Variants in CFAP69 observed in about 807,000 individuals in gnomAD.
CFAP69 encodes the protein cilia- and flagella-associated protein 69.
A neutral mutation model predicts 123.0 loss-of-function variants in CFAP69; 92 were observed. The ratio of observed to expected loss-of-function variants is 0.75; its 90% CI spans 0.63 to 0.89. The LOEUF (loss-of-function observed/expected upper bound fraction) is 0.89. Ranked by LOEUF, CFAP69 falls within the 40% of genes least tolerant of loss-of-function variation. The pLI, the probability that CFAP69 is intolerant of heterozygous loss-of-function variation, is 0.00. For missense variants in CFAP69, 1,067 were observed against 1,096.9 expected (o/e 0.97, Z 0.39); for synonymous variants, 380 against 364.3 (o/e 1.04, Z -0.49).
At chr7:90,309,143 G>C in intron 21 of CFAP69, 120 bp from the exon 22 acceptor site, 1 of 487,402 alleles carries the variant, frequency 2.1e-6, no homozygotes, top group South Asian at 4.7e-5. Flanking sequence ...AGATTTCAGC[G>C]CTATCTAATA....
intron 19 of CFAP69, among the ~76,000 whole-genome samples, chr7:90,306,639 A>T (rs891837191): frequency 6.6e-6 from 1 of 152,212 alleles, no homozygotes; most frequent in African/African-American, 2.4e-5. Flanking sequence ...GGCAGTGATG[A>T]TGGTGATGAT....
In CFAP69 at chr7:90,268,572, T is replaced by C. The variant is rs187825807; in HGVS notation, c.532+188T>C. Reference sequence around the variant, plus strand: ...TATATGTATTTTTCAGTTTTTGATTTGCATATTTTTATTCTGATGCTAAAT... The same window carrying C: ...TATATGTATTTTTCAGTTTTTGATTCGCATATTTTTATTCTGATGCTAAAT... On this transcript the variant is annotated intron_variant, in intron 6 of 22. Transcript: ENST00000389297. Among the ~76,000 whole-genome samples, 147 of 152,292 alleles carry C rather than the reference T, an allele frequency of 9.7e-4. 1 individual carries two copies. Among genetic ancestry groups the C allele is most frequent in the Admixed American group, 3.3e-3 (51 of 15,288 alleles).
chr7:90,245,393 TC>T lies in CFAP69; in HGVS notation c.-26del. 8 of 1,510,210 alleles carry T rather than the reference TC, an allele frequency of 5.3e-6. No homozygotes were observed. The highest frequency in any genetic ancestry group is 2.2e-5 in the Admixed American group (1 of 44,864). 93.6% of individuals were successfully genotyped at this position (1,510,210 alleles called of 1,614,324 possible). A position where few individuals can be genotyped will look rare whatever the true frequency, so the allele number is the denominator to read the frequency against. ...GCGGGCGCACTGTAGGACAGGAAGA[TC>T]CCCCCACTCTCCACCCCGCCGCCAC... On this transcript the variant is annotated 5_prime_UTR_variant, in exon 1 of 23. Coordinates refer to ENST00000389297, the MANE Select transcript of CFAP69 (RefSeq NM_001039706.3).
rs766221444 is a variant in CFAP69, at chr7:90,274,129, G to A, written c.984+19G>A. The A allele has an allele frequency of 6.3e-6, 10 of 1,586,610 alleles. No homozygotes were observed. The Admixed American group carries it at 1.7e-4, about 27-fold the overall frequency. On this transcript the variant is annotated intron_variant, in intron 9 of 22. Transcript: ENST00000389297. ...AATGATTGTAAGTATGAATCAAATT[G>A]CATTAATTTTAATTGTGGAAGTGGT...
chr7:90,275,347 A>T (rs1788424406), intron 9 of CFAP69, among the ~76,000 whole-genome samples: 1 of 152,168 alleles, frequency 6.6e-6, no homozygotes, highest in Middle Eastern at 3.4e-3. Flanking sequence ...CTTGCCTGGG[A>T]TGCTTGAGTA....
At chr7:90,323,252 A>G in the CFAP69 span, among the ~76,000 whole-genome samples, 1 of 152,202 alleles carries the variant, frequency 6.6e-6, no homozygotes, top group South Asian at 2.1e-4. Flanking sequence ...TTCAAATAGA[A>G]TCTGGCAAAA....
chr7:90,281,901 A>G (rs1256245108), intron 12 of CFAP69, among the ~76,000 whole-genome samples: 1 of 152,216 alleles, frequency 6.6e-6, no homozygotes, highest in Non-Finnish European at 1.5e-5. Context: ...ATATATCAAT[A>G]AGAAAACAAC....
At chr7:90,307,925 A>AAATGAATG in intron 21 of CFAP69, 71 bp downstream of exon 21, 1 of 962,508 alleles carries the variant, frequency 1.0e-6, no homozygotes, top group Non-Finnish European at 1.6e-6. Context: ...TTTCAGGAAC[A>AAATGAATG]AATATTCATT....
At chr7:90,276,384 C>T (rs1371386303) in intron 9 of CFAP69, among the ~76,000 whole-genome samples, 1 of 152,132 alleles carries the variant, frequency 6.6e-6, no homozygotes, top group Non-Finnish European at 1.5e-5. Context: ...ATGAATTTCA[C>T]GAATGTGAGT....
At chr7:90,274,726 C>A (rs909720301) in intron 9 of CFAP69, among the ~76,000 whole-genome samples, 2 of 152,098 alleles carry the variant, frequency 1.3e-5, no homozygotes, top group Non-Finnish European at 2.9e-5. Context: ...TCATCCTTTT[C>A]TCTCACTGTT....
chr7:90,279,307 A>G (rs1789072229), intron 11 of CFAP69, among the ~76,000 whole-genome samples: 1 of 152,134 alleles, frequency 6.6e-6, no homozygotes, highest in Non-Finnish European at 1.5e-5. Flanking sequence ...CTTGCCCCAA[A>G]ATATTCTATG....
rs1031357484 is a variant in CFAP69 at position 90,245,331 on chromosome 7, C to T, written c.-94C>T. On this transcript the variant is annotated 5_prime_UTR_variant, in exon 1 of 23. Coordinates refer to ENST00000389297, the MANE Select transcript of CFAP69 (RefSeq NM_001039706.3). ...CTCTAGCGACTCTCAGGCTGCCTTC[C>T]CTTCTCGGTGGCGGGGCCTCTTTGG... 4.9e-6 allele frequency: 7 copies of T among 1,422,636 alleles called. No individual in the cohort carries two copies. Among genetic ancestry groups the T allele is most frequent in the Non-Finnish European group, 6.4e-6 (7 of 1,087,816 alleles). The allele number at this position is 1,422,636 out of a possible 1,614,324, so 88.1% of individuals were successfully genotyped here.
At chr7:90,262,995 T>C (rs1798540649) in intron 4 of CFAP69, among the ~76,000 whole-genome samples, 1 of 152,140 alleles carries the variant, frequency 6.6e-6, no homozygotes, top group South Asian at 2.1e-4. Context: ...AAATGGTTGC[T>C]CTGGTGTTTT....
chr7:90,247,497 C>G (rs1349417098), intron 1 of CFAP69, among the ~76,000 whole-genome samples: 1 of 152,152 alleles, frequency 6.6e-6, no homozygotes, highest in South Asian at 2.1e-4. Flanking sequence ...GTATCTTAAC[C>G]TTTCTATCAA....
chr7:90,319,092 T>C, the CFAP69 span: 1 of 313,944 alleles, frequency 3.2e-6, no homozygotes, highest in Non-Finnish European at 5.7e-6. Flanking sequence ...TTATGAACTA[T>C]TCATGGGCAA....
intron 11 of CFAP69, among the ~76,000 whole-genome samples, chr7:90,278,268 G>C (rs930335329): frequency 3.3e-5 from 5 of 152,028 alleles, no homozygotes; most frequent in Non-Finnish European, 7.4e-5. Context: ...CTAAATCCCA[G>C]GTAGCTCAAC....
chr7:90,262,639 G>C (rs1436064962), intron 4 of CFAP69, among the ~76,000 whole-genome samples: 1 of 152,036 alleles, frequency 6.6e-6, no homozygotes, highest in Non-Finnish European at 1.5e-5. Context: ...CCACATAGTG[G>C]CTAATCTAGG....
intron 15 of CFAP69, among the ~76,000 whole-genome samples, chr7:90,292,661 TG>T (rs999908366): frequency 1.2e-4 from 18 of 152,322 alleles, no homozygotes; most frequent in African/African-American, 4.3e-4. Flanking sequence ...TTTACCCAAT[TG>T]TTAAAAGCTG....
At chr7:90,249,093 A>G (rs1796663771) in intron 1 of CFAP69, among the ~76,000 whole-genome samples, 1 of 152,112 alleles carries the variant, frequency 6.6e-6, no homozygotes, top group African/African-American at 2.4e-5. Flanking sequence ...TTGTGTCCCC[A>G]CCCAAATCTC....
Sources: allele counts gnomAD v4.1 joint callset (sites outside exome capture counted in the v4.1 genomes callset), GRCh38; gene constraint gnomAD v4.1.1; transcripts MANE v1.5; gene names NCBI Gene and HGNC (gene_info 2026-07-23, HGNC 2026-07-21).